The following ECHS1 variants were observed in gnomAD, a reference collection of about 807,000 sequenced individuals.
ECHS1 encodes the protein enoyl-CoA hydratase, mitochondrial.
Under a neutral mutation model 33.5 loss-of-function variants are expected in ECHS1, and 19 were observed. The observed-to-expected ratio is 0.57, with a 90% CI of 0.40 to 0.83. The LOEUF (loss-of-function observed/expected upper bound fraction) is 0.83. ECHS1 is among the 40% of genes least tolerant of loss of function. The probability of loss-of-function intolerance (pLI) is 0.00; values close to 1 mark genes in which losing one functional copy is unlikely to be tolerated. For missense variants in ECHS1, 365 were observed against 381.3 expected (o/e 0.96, Z 0.36); for synonymous variants, 158 against 146.6 (o/e 1.08, Z -0.56).
intron 4 of ECHS1, among the ~76,000 whole-genome samples, chr10:133,368,258 G>A (rs1849057844): frequency 6.6e-6 from 1 of 152,126 alleles, no homozygotes; most frequent in African/African-American, 2.4e-5. Context: ...CTGACCCCAG[G>A]CACTGGTCCC....
chr10:133,366,994 C>T lies in ECHS1; in HGVS notation c.515-1G>A. The T allele has an allele frequency of 6.2e-7, 1 of 1,609,388 alleles. No individual in the cohort carries two copies. Among genetic ancestry groups the T allele is most frequent in the African/African-American group, 1.3e-5 (1 of 75,000 alleles). On this transcript the variant is annotated splice_acceptor_variant, in intron 4 of 7. Transcript: ENST00000368547. LOFTEE classifies it high-confidence loss of function. ...GTGAGTCTCTGGGTGCCGCCCGCAC[C>T]TGCAGGGAGGGGCTGGTCATGGCTG...
In ECHS1 at chr10:133,373,268, G is replaced by T; in HGVS notation, c.66C>A (p.Pro22=). Residue 22 remains proline (P), a synonymous_variant, in exon 1 of 8, where the codon CCC becomes CCA. Coordinates refer to ENST00000368547, the MANE Select transcript of ECHS1 (RefSeq NM_004092.4). ...RGPLRPPVRC[P]AWRPFASGAN... is the part of the protein sequence containing the mutation. ...CACCCGAGGCGAAGGGACGCCAGGC[G>T]GGACAGCGAACCGGGGGCCTCAGCG... 3 of 1,453,044 alleles carry T rather than the reference G, an allele frequency of 2.1e-6. No homozygotes were observed. Among genetic ancestry groups the T allele is most frequent in the Non-Finnish European group, 1.8e-6 (2 of 1,111,044 alleles). The allele number at this position is 1,453,044 out of a possible 1,614,324, so 90.0% of individuals were successfully genotyped here. A position where few individuals can be genotyped will look rare whatever the true frequency, so the allele number is the denominator to read the frequency against.
rs1589883161 is a variant in ECHS1, at chr10:133,370,863, G to A, written c.89-106C>T. The A allele has an allele frequency of 6.0e-6, 7 of 1,157,554 alleles. No homozygotes were observed. The East Asian group carries it at 1.3e-4, about 21-fold the overall frequency. The allele number at this position is 1,157,554 out of a possible 1,614,324, so 71.7% of individuals were successfully genotyped here. On this transcript the variant is annotated intron_variant, in intron 1 of 7. Transcript: ENST00000368547. ...CGGTGGATACAGTGTGACCCCAAGA[G>A]GCCCTCTGAGGGCTCCCTGCCGAGT...
At chr10:133,366,755 A>G (rs1332393853) in intron 5 of ECHS1, 134 bp downstream of exon 5, 8 of 623,998 alleles carry the variant, frequency 1.3e-5, no homozygotes, top group South Asian at 1.8e-5. Context: ...GGCACCCATG[A>G]GGGGGACACC....
rs114753168 is a variant in ECHS1 at position 133,369,233 on chromosome 10, A to G, written c.415-211T>C. On this transcript the variant is annotated intron_variant, in intron 3 of 7. Transcript: ENST00000368547. ...GGGGCTGGCAAACATCCTGTAAAGG[A>G]CCATGAGGGTCTTACAGGCTCTGCT... Among the ~76,000 whole-genome samples the G allele has an allele frequency of 0.065, 9,851 of 152,200 alleles. 411 individuals are homozygous for G. Among genetic ancestry groups the G allele is most frequent in the African/African-American group, 0.11 (4,572 of 41,516 alleles).
At chr10:133,364,350 C>T (rs1441506843) in intron 7 of ECHS1, among the ~76,000 whole-genome samples, 3 of 152,092 alleles carry the variant, frequency 2.0e-5, no homozygotes, top group African/African-American at 4.8e-5. Context: ...TACGGATGCT[C>T]GACACCCACC....
chr10:133,371,858 G>A (rs1323055648), intron 1 of ECHS1, among the ~76,000 whole-genome samples: 3 of 152,072 alleles, frequency 2.0e-5, no homozygotes, highest in East Asian at 1.9e-4. Flanking sequence ...GTGCAGTGGC[G>A]CAATCTTGGC....
At chr10:133,366,795 C>A (rs1849039979) in intron 5 of ECHS1, 94 bp downstream of exon 5, 4 of 942,056 alleles carry the variant, frequency 4.2e-6, no homozygotes, top group Admixed American at 1.9e-5. Flanking sequence ...CTGTGGGGCT[C>A]CCCCGAGGGG....
At chr10:133,363,355 G>GCACACACA (rs906664996) in intron 7 of ECHS1, among the ~76,000 whole-genome samples, 16 of 145,008 alleles carry the variant, frequency 1.1e-4, no homozygotes, top group African/African-American at 4.1e-4. Flanking sequence ...GTGCGCGCGC[G>GCACACACA]CACACACACA....
Position 133,362,722 on chromosome 10 carries a change from G to C in ECHS1, c.*146C>G. 3 of 851,658 alleles carry C rather than the reference G, an allele frequency of 3.5e-6. No individual in the cohort carries two copies. Among genetic ancestry groups the C allele is most frequent in the Non-Finnish European group, 3.8e-6 (2 of 520,168 alleles). The allele number at this position is 851,658 out of a possible 1,614,324, so 52.8% of individuals were successfully genotyped here. ...TGACGAAGGCTGTCATGCCGTGAGA[G>C]GTCGGGCCACGACCACGCAGCAATT... On this transcript the variant is annotated 3_prime_UTR_variant, in exon 8 of 8. Coordinates refer to ENST00000368547, the MANE Select transcript of ECHS1 (RefSeq NM_004092.4).
At chr10:133,370,519 C>A in intron 2 of ECHS1, 41 bp downstream of exon 2, 1 of 1,465,920 alleles carries the variant, frequency 6.8e-7, no homozygotes, top group Non-Finnish European at 9.0e-7. Context: ...ACGTGCCTCC[C>A]ACATCTGCCC....
Position 133,369,024 on chromosome 10 carries a change from T to C in ECHS1, c.415-2A>G. On this transcript the variant is annotated splice_acceptor_variant, in intron 3 of 7. Transcript: ENST00000368547. LOFTEE classifies it high-confidence loss of function. ...GGCAAGCTCACAGCCCCCGCCAAAC[T>C]GTAAAACATTCGGCATCAGGAGAGT... 1 of 1,613,308 alleles carries C rather than the reference T, an allele frequency of 6.2e-7. No individual in the cohort carries two copies. The highest frequency in any genetic ancestry group is 8.5e-7 in the Non-Finnish European group (1 of 1,179,782).
chr10:133,370,548 T>C lies in ECHS1; in HGVS notation c.286+12A>G, dbSNP rs1193467810. On this transcript the variant is annotated intron_variant, in intron 2 of 7. Coordinates refer to ENST00000368547, the MANE Select transcript of ECHS1 (RefSeq NM_004092.4). ...TCTGCCCAGACACAAAGGCCTCTGC[T>C]GCCGCGCGTACCTGCAAAGGCCTTA... The C allele has an allele frequency of 6.5e-7, 1 of 1,529,370 alleles. No individual in the cohort carries two copies. Among genetic ancestry groups the C allele is most frequent in the African/African-American group, 1.4e-5 (1 of 73,300 alleles). 94.7% of individuals were successfully genotyped at this position (1,529,370 alleles called of 1,614,324 possible).
chr10:133,373,293 G>C lies in ECHS1; in HGVS notation c.41C>G (p.Pro14Arg). 4.7e-6 allele frequency: 7 copies of C among 1,485,436 alleles called. No individual in the cohort carries two copies. Among genetic ancestry groups the C allele is most frequent in the Non-Finnish European group, 6.2e-6 (7 of 1,124,020 alleles). The allele number at this position is 1,485,436 out of a possible 1,614,324, so 92.0% of individuals were successfully genotyped here. Reference sequence around the variant, plus strand: ...GGGACAGCGAACCGGGGGCCTCAGCGGGCCGCGGACGCAGGACAGCAGGAC... The same window carrying C: ...GGGACAGCGAACCGGGGGCCTCAGCCGGCCGCGGACGCAGGACAGCAGGAC... The part of the protein sequence containing the change: ...LRVLLSCVRG[P>R]LRPPVRCPAW... The change falls in exon 1 of 8, where the codon CCG becomes CGG. Residue 14 changes from proline to arginine, a missense_variant. Transcript: ENST00000368547.
rs113149678 is a variant in ECHS1, at chr10:133,362,716, G to A, written c.*152C>T. 4.1e-4 allele frequency: 333 copies of A among 802,780 alleles called. 3 individuals are homozygous for A. In the East Asian group the frequency reaches 6.4e-3, roughly 15 times the overall value. 49.7% of individuals were successfully genotyped at this position (802,780 alleles called of 1,614,324 possible). A position where few individuals can be genotyped will look rare whatever the true frequency, so the allele number is the denominator to read the frequency against. On this transcript the variant is annotated 3_prime_UTR_variant, in exon 8 of 8. Coordinates refer to ENST00000368547, the MANE Select transcript of ECHS1 (RefSeq NM_004092.4). ...GCTGGGTGACGAAGGCTGTCATGCC[G>A]TGAGAGGTCGGGCCACGACCACGCA...
intron 7 of ECHS1, among the ~76,000 whole-genome samples, 159 bp downstream of exon 7, chr10:133,364,499 C>G (rs1485749318): frequency 4.6e-5 from 7 of 152,156 alleles, no homozygotes; most frequent in Admixed American, 4.6e-4. Flanking sequence ...TTCCTAACAT[C>G]AAGACCCACT....
chr10:133,368,812 G>T, intron 4 of ECHS1, 111 bp downstream of exon 4: 1 of 999,914 alleles, frequency 1.0e-6, no homozygotes. Flanking sequence ...ACCAGCCATG[G>T]GGCTGTCCAT....
rs1256961351 is a variant in ECHS1, at chr10:133,369,376, GTGT to G, written c.415-357_415-355del. Among the ~76,000 whole-genome samples the G allele has an allele frequency of 1.4e-4, 4 of 29,198 alleles. 1 individual carries two copies. Among genetic ancestry groups the G allele is most frequent in the East Asian group, 7.5e-3 (1 of 134 alleles). The allele number at this position is 29,198 out of a possible 152,430, so 19.2% of individuals were successfully genotyped here. The stretch of plus-strand genomic sequence containing the variant: ...AGACCCCTGGCTTACACGGCAGGGA[GTGT>G]CATGAAATGATCACAATCCGCAGAC... On this transcript the variant is annotated intron_variant, in intron 3 of 7. Coordinates refer to ENST00000368547, the MANE Select transcript of ECHS1 (RefSeq NM_004092.4).
chr10:133,368,266 C>T (rs994941044), intron 4 of ECHS1, among the ~76,000 whole-genome samples: 4 of 152,158 alleles, frequency 2.6e-5, no homozygotes, highest in Admixed American at 6.5e-5. Flanking sequence ...AGGCACTGGT[C>T]CCTTATAGTA....
Sources: allele counts gnomAD v4.1 joint callset (sites outside exome capture counted in the v4.1 genomes callset), GRCh38; gene constraint gnomAD v4.1.1; transcripts MANE v1.5; gene names NCBI Gene and HGNC (gene_info 2026-07-23, HGNC 2026-07-21).